CACNA1C: variants seen among roughly 807,000 people sequenced by gnomAD.
CACNA1C encodes voltage-dependent L-type calcium channel subunit alpha-1C.
CACNA1C carries 30 observed loss-of-function variants against 229.0 expected under a neutral mutation model. That is an observed-to-expected ratio of 0.13 (90% CI 0.10 to 0.18). CACNA1C has a LOEUF of 0.18. Among genes scored for constraint, CACNA1C ranks in the 10% least tolerant of loss-of-function variants. CACNA1C has a pLI of 1.00. For synonymous variants in CACNA1C, 1,114 were observed against 1,132.5 expected, an observed-to-expected ratio of 0.98 and a Z score of 0.33; for missense variants, 1,658 against 2,845.0, an observed-to-expected ratio of 0.58 and a Z score of 9.49.
At chr12:2,349,201 G>A (rs151261195) in intron 3 of CACNA1C, among the ~76,000 whole-genome samples, 8 of 152,312 alleles carry the variant, frequency 5.3e-5, no homozygotes, top group South Asian at 4.1e-4. Context: ...ACTGGAAAAC[G>A]TCAGAAGGGT....
chr12:2,635,920 C>T (rs1460797603), intron 30 of CACNA1C, among the ~76,000 whole-genome samples: 1 of 152,088 alleles, frequency 6.6e-6, no homozygotes, highest in Non-Finnish European at 1.5e-5. Flanking sequence ...CCAGTAAATC[C>T]TCAGATCATT....
chr12:2,401,901 TA>T (rs746743668), intron 3 of CACNA1C, among the ~76,000 whole-genome samples: 29 of 152,224 alleles, frequency 1.9e-4, no homozygotes, highest in Non-Finnish European at 3.8e-4. Flanking sequence ...AGGAAGGGAG[TA>T]AAGTGTCACC....
chr12:2,019,887 C>A (rs754895257), intron 1 of CACNA1C: 1 of 152,152 alleles, frequency 6.6e-6, no homozygotes, highest in African/African-American at 2.4e-5. Flanking sequence ...CAGGGAGGAA[C>A]CATTTGTTAA....
chr12:2,000,966 G>A (rs2042057509), intron 1 of CACNA1C, among the ~76,000 whole-genome samples: 1 of 151,798 alleles, frequency 6.6e-6, no homozygotes, highest in Non-Finnish European at 1.5e-5. Flanking sequence ...GAACCCAGGA[G>A]GCAGAGGTTG....
intron 1 of CACNA1C, among the ~76,000 whole-genome samples, chr12:1,997,533 A>G (rs2041231816): frequency 6.6e-6 from 1 of 152,240 alleles, no homozygotes; most frequent in South Asian, 2.1e-4. Flanking sequence ...TCTCAAAAAA[A>G]AGAAAAATGA....
At chr12:2,109,489 A>G (rs533879003) in intron 1 of CACNA1C, among the ~76,000 whole-genome samples, 1 of 152,346 alleles carries the variant, frequency 6.6e-6, no homozygotes, top group Admixed American at 6.5e-5. Context: ...GAGGCATGAA[A>G]TGAGCCACTG....
At chr12:2,430,714 T>C (rs2099074607) in intron 3 of CACNA1C, among the ~76,000 whole-genome samples, 1 of 152,152 alleles carries the variant, frequency 6.6e-6, no homozygotes, top group Non-Finnish European at 1.5e-5. Flanking sequence ...TACTCCTTCC[T>C]GGCATTGTAG....
rs984325933 is a variant in CACNA1C, at chr12:2,399,669, G to A, written c.478-49307G>A. 2.0e-5 allele frequency among the ~76,000 whole-genome samples: 3 copies of A among 152,356 alleles called. No individual in the cohort carries two copies. The South Asian group carries it at 6.2e-4, about 32-fold the overall frequency. ...AGCGGAGCTTGGGGTTTTCATGGGA[G>A]CATGGTGAGCCAAAAGGCAACATTT... On this transcript the variant is annotated intron_variant, in intron 3 of 46. Coordinates refer to ENST00000399655, the MANE Select transcript of CACNA1C (RefSeq NM_000719.7).
At chr12:2,279,154 T>TA (rs1474756632) in intron 3 of CACNA1C, among the ~76,000 whole-genome samples, 2 of 152,198 alleles carry the variant, frequency 1.3e-5, no homozygotes, top group African/African-American at 4.8e-5. Flanking sequence ...TAAAATCAGA[T>TA]ATGTGCTTTG....
chr12:2,582,133 G>A (rs375562969), intron 14 of CACNA1C, among the ~76,000 whole-genome samples: 30 of 149,544 alleles, frequency 2.0e-4, no homozygotes, highest in African/African-American at 7.2e-4. Flanking sequence ...GCAAGACTCC[G>A]TCTCAAATAA....
chr12:2,654,683 T>A lies in CACNA1C; in HGVS notation c.4141-464T>A, dbSNP rs962499427. On this transcript the variant is annotated intron_variant, in intron 33 of 46. Coordinates refer to ENST00000399655, the MANE Select transcript of CACNA1C (RefSeq NM_000719.7). This position sits in a 1 kb window ranked among gnomAD's most constrained non-coding sequence, Gnocchi z 4.4. ...GCAGTTTCTAAGATAAGCACAGCTTTAAAAGACCAGGAAGAAAAGGGATTT... is the reference window on the plus strand; with the variant it reads ...GCAGTTTCTAAGATAAGCACAGCTTAAAAAGACCAGGAAGAAAAGGGATTT... 3.9e-5 allele frequency among the ~76,000 whole-genome samples: 6 copies of A among 152,210 alleles called. No individual in the cohort carries two copies. The highest frequency in any genetic ancestry group is 8.8e-5 in the Non-Finnish European group (6 of 68,032).
In CACNA1C at chr12:2,605,829, A is replaced by G; in HGVS notation, c.3156+43A>G. ...TTGTGGTCCTCCTACCTCCCCTCCC[A>G]TCAGCATTCCTGGGGAAGGGAACTG... On this transcript the variant is annotated intron_variant, in intron 24 of 46. Transcript: ENST00000399655. The surrounding 1 kb of genome is among the most constrained non-coding windows in gnomAD (Gnocchi z 6.2). The G allele has an allele frequency of 3.2e-6, 4 of 1,268,448 alleles. No homozygotes were observed. The highest frequency in any genetic ancestry group is 4.6e-6 in the Non-Finnish European group (4 of 865,132). The allele number at this position is 1,268,448 out of a possible 1,614,324, so 78.6% of individuals were successfully genotyped here. A position where few individuals can be genotyped will look rare whatever the true frequency, so the allele number is the denominator to read the frequency against.
chr12:2,490,706 G>T (rs1293683111), intron 6 of CACNA1C, among the ~76,000 whole-genome samples: 1 of 151,964 alleles, frequency 6.6e-6, no homozygotes, highest in Non-Finnish European at 1.5e-5. Flanking sequence ...CTTTTTTGTA[G>T]CATCACATCC....
upstream of CACNA1C, among the ~76,000 whole-genome samples, chr12:2,048,766 G>A (rs1032956272): frequency 4.6e-5 from 7 of 152,280 alleles, no homozygotes; most frequent in African/African-American, 1.7e-4. Flanking sequence ...GTGGGGGGAG[G>A]GCTCTGTGTC....
At chr12:2,623,393 G>A (rs915324091) in intron 29 of CACNA1C, among the ~76,000 whole-genome samples, 6 of 151,966 alleles carry the variant, frequency 3.9e-5, no homozygotes, top group African/African-American at 1.5e-4. Context: ...TGCTCTGGCC[G>A]GCCCCGTCCT....
At chr12:2,297,737 A>G (rs1162766349) in intron 3 of CACNA1C, among the ~76,000 whole-genome samples, 1 of 152,162 alleles carries the variant, frequency 6.6e-6, no homozygotes, top group Non-Finnish European at 1.5e-5. Context: ...TATATTATAT[A>G]TGTGTGTGTT....
At chr12:2,037,009 T>G (rs1342921167) in intron 1 of CACNA1C, among the ~76,000 whole-genome samples, 1 of 152,172 alleles carries the variant, frequency 6.6e-6, no homozygotes, top group Non-Finnish European at 1.5e-5. Context: ...TTTCAAAACC[T>G]TCTTGTCTGC....
At chr12:2,189,249 G>A (rs1204049552) in intron 3 of CACNA1C, among the ~76,000 whole-genome samples, 2 of 150,824 alleles carry the variant, frequency 1.3e-5, no homozygotes, top group African/African-American at 4.9e-5. Context: ...CCTGATACAG[G>A]ATTTCTCCCC....
chr12:2,180,021 A>G (rs1475800456), intron 3 of CACNA1C, among the ~76,000 whole-genome samples: 1 of 152,216 alleles, frequency 6.6e-6, no homozygotes, highest in East Asian at 1.9e-4. Flanking sequence ...TTGGCCAGGC[A>G]GGCCCTCCAA....
Sources: gnomAD v4.1 joint callset for allele counts (sites outside exome capture counted in the v4.1 genomes callset) on GRCh38, gnomAD v4.1.1 for gene constraint, Gnocchi (gnomAD v3.1) non-coding constraint, MANE v1.5 for transcripts, NCBI Gene and HGNC (gene_info 2026-07-23, HGNC 2026-07-21) for gene names.